Variants in ZNF81 observed in about 807,000 individuals in gnomAD.
The protein encoded by ZNF81 is zinc finger protein 81 (HFZ20).
A neutral mutation model predicts 32.3 loss-of-function variants in ZNF81; 5 were observed. The ratio of observed to expected loss-of-function variants is 0.15; its 90% CI spans 0.08 to 0.33. ZNF81 has a LOEUF of 0.33. ZNF81 is among the 10% of genes least tolerant of loss of function. The probability of loss-of-function intolerance (pLI) is 1.00; values close to 1 mark genes in which losing one functional copy is unlikely to be tolerated. For missense variants in ZNF81, 379 were observed against 479.8 expected (o/e 0.79, Z 1.96); for synonymous variants, 163 against 166.8 (o/e 0.98, Z 0.17).
At chrX:47,849,792 G>C (rs1007608163) in intron 2 of ZNF81, among the ~76,000 whole-genome samples, 1 of 111,877 alleles carries the variant, frequency 8.9e-6, no homozygotes, top group Middle Eastern at 4.2e-3. Context: ...AGAAAAAGCA[G>C]AATACCCACT....
At chrX:47,878,015 C>T (rs2058606583) in intron 2 of ZNF81, among the ~76,000 whole-genome samples, 1 of 111,338 alleles carries the variant, frequency 9.0e-6, no homozygotes, top group Non-Finnish European at 1.9e-5. Flanking sequence ...CCTCTGAGAC[C>T]TTTTCCTGTT....
At chrX:47,891,679 C>G (rs1315677795) in intron 3 of ZNF81, among the ~76,000 whole-genome samples, 1 of 111,792 alleles carries the variant, frequency 8.9e-6, no homozygotes, top group African/African-American at 3.3e-5. Context: ...TGAGATGGAC[C>G]TCAACTAAAA....
chrX:47,875,106 TA>T (rs2058594943), intron 2 of ZNF81, among the ~76,000 whole-genome samples: 1 of 110,128 alleles, frequency 9.1e-6, no homozygotes, highest in African/African-American at 3.3e-5. Flanking sequence ...TGGGTAGAGA[TA>T]AAGAGGTCGA....
intron 4 of ZNF81, among the ~76,000 whole-genome samples, chrX:47,901,034 G>A (rs2058696409): frequency 9.0e-6 from 1 of 110,963 alleles, no homozygotes; most frequent in Admixed American, 9.6e-5. Context: ...CCGAGAAAAG[G>A]GGAACTCACT....
intron 2 of ZNF81, among the ~76,000 whole-genome samples, chrX:47,880,957 A>G: frequency 9.0e-6 from 1 of 111,668 alleles, no homozygotes; most frequent in East Asian, 2.8e-4. Flanking sequence ...AGGGTATCAC[A>G]TGGCTAGGGG....
intron 4 of ZNF81, among the ~76,000 whole-genome samples, chrX:47,909,914 C>T (rs1206259546): frequency 3.0e-4 from 33 of 110,381 alleles, no homozygotes; most frequent in African/African-American, 1.1e-3. Context: ...CAATTTCATC[C>T]ATGTCCCTAC....
intron 2 of ZNF81, among the ~76,000 whole-genome samples, chrX:47,868,943 G>T (rs782642596): frequency 3.8e-5 from 3 of 79,878 alleles, no homozygotes; most frequent in Non-Finnish European, 7.1e-5. Context: ...GCGGGGGGGT[G>T]GGGGGGATCT....
Position 47,896,010 on chromosome X carries a change from C to T in ZNF81, c.277+70C>T, listed in dbSNP as rs922701687. 3.9e-5 allele frequency: 30 copies of T among 776,800 alleles called. No individual in the cohort carries two copies. The Admixed American group carries it at 8.1e-4, about 21-fold the overall frequency. The allele number at this position is 776,800 out of a possible 1,213,427, so 64.0% of individuals were successfully genotyped here. On this transcript the variant is annotated intron_variant, in intron 4 of 4. Coordinates refer to ENST00000338637, the MANE Select transcript of ZNF81 (RefSeq NM_007137.5). The stretch of plus-strand genomic sequence containing the variant: ...TTTTTTCCCTAAGGAAGACCGATGC[C>T]TTTAAAATGCTGTTATTGCTTAAAG...
intron 2 of ZNF81, among the ~76,000 whole-genome samples, chrX:47,866,833 CA>C (rs1556883339): frequency 9.0e-6 from 1 of 111,061 alleles, no homozygotes; most frequent in Non-Finnish European, 1.9e-5. Flanking sequence ...TTCACAACAG[CA>C]AAAACAAGGA....
rs1556890617 is a variant in ZNF81, at chrX:47,915,678, A to G, written c.1032A>G (p.Glu344=). ...GGAAGGCCTTCATCCAGAATTCAGA[A>G]TTAATTATGCATGAGAAAACTCATA... ...KCGKAFIQNS[E]LIMHEKTHTR... is the part of the protein sequence containing the mutation. Residue 344 remains glutamate, a synonymous_variant, in exon 5 of 5, where the codon GAA becomes GAG. Coordinates refer to ENST00000338637, the MANE Select transcript of ZNF81 (RefSeq NM_007137.5). 8.3e-7 allele frequency: 1 copy of G among 1,206,124 alleles called. No individual in the cohort carries two copies. The highest frequency in any genetic ancestry group is 3.0e-5 in the East Asian group (1 of 33,625).
rs782184521 is a variant in ZNF81 at position 47,897,401 on chromosome X, A to G, written c.277+1461A>G. ...TACTCAGATATCTTTCTCATTTTTT[A>G]ATCAGGTTGTTTGTCTTCTTATTAG... On this transcript the variant is annotated intron_variant, in intron 4 of 4. Coordinates refer to ENST00000338637, the MANE Select transcript of ZNF81 (RefSeq NM_007137.5). Among the ~76,000 whole-genome samples the G allele has an allele frequency of 2.7e-5, 3 of 111,791 alleles. No homozygotes were observed. In the East Asian group the frequency reaches 8.4e-4, roughly 31 times the overall value.
At chrX:47,877,154 C>A (rs6608753) in intron 2 of ZNF81, among the ~76,000 whole-genome samples, 43 of 112,255 alleles carry the variant, frequency 3.8e-4, no homozygotes, top group African/African-American at 1.4e-3. Context: ...AGTTTACCTT[C>A]CTCACTAATC....
In ZNF81 at chrX:47,915,315, T is replaced by C; in HGVS notation, c.669T>C (p.His223=). The C allele has an allele frequency of 1.3e-5, 16 of 1,211,716 alleles. No individual in the cohort carries two copies. The highest frequency in any genetic ancestry group is 1.8e-5 in the Non-Finnish European group (16 of 895,483). ...AAKNLDKTIG[H]GQVFTQNSSY... is the part of the protein sequence containing the mutation. Reference sequence around the variant, plus strand: ...AGAACCTGGATAAAACTATTGGGCATGGTCAAGTTTTTACCCAGAACTCTT... The same window carrying C: ...AGAACCTGGATAAAACTATTGGGCACGGTCAAGTTTTTACCCAGAACTCTT... The change falls in exon 5 of 5, where the codon CAT becomes CAC. Residue 223 remains histidine (H), a synonymous_variant. Transcript: ENST00000338637.
chrX:47,894,089 T>A (rs1232944710), intron 3 of ZNF81, among the ~76,000 whole-genome samples: 1 of 111,522 alleles, frequency 9.0e-6, no homozygotes, highest in Non-Finnish European at 1.9e-5. Context: ...GATACTTCGG[T>A]ATAGAACTGG....
At chrX:47,892,950 A>G (rs1177554525) in intron 3 of ZNF81, among the ~76,000 whole-genome samples, 1 of 112,901 alleles carries the variant, frequency 8.9e-6, no homozygotes, top group Non-Finnish European at 1.9e-5. Context: ...AAGCCACTGA[A>G]AGTGCTTCAG....
chrX:47,868,845 C>T (rs2058569533), intron 2 of ZNF81, among the ~76,000 whole-genome samples: 1 of 104,793 alleles, frequency 9.5e-6, no homozygotes, highest in African/African-American at 3.5e-5. Flanking sequence ...CTGACAGCAG[C>T]CTCAGACAGT....
At chrX:47,865,361 G>A (rs781879085) in intron 2 of ZNF81, among the ~76,000 whole-genome samples, 1 of 112,047 alleles carries the variant, frequency 8.9e-6, no homozygotes, top group Admixed American at 9.4e-5. Flanking sequence ...TTCGACAAGG[G>A]CCCAGTAGCA....
intron 3 of ZNF81, among the ~76,000 whole-genome samples, chrX:47,893,792 C>G (rs2058670504): frequency 1.6e-5 from 1 of 64,489 alleles, no homozygotes; most frequent in African/African-American, 5.4e-5. Context: ...GAGACTCTGT[C>G]TCAAAAAAAA....
intron 2 of ZNF81, among the ~76,000 whole-genome samples, chrX:47,882,864 G>A (rs1416403115): frequency 1.8e-5 from 2 of 112,100 alleles, no homozygotes; most frequent in Non-Finnish European, 3.8e-5. Context: ...GGTGGCACAC[G>A]CCTGTAATCC....
Sources: allele counts gnomAD v4.1 joint callset (sites outside exome capture counted in the v4.1 genomes callset), GRCh38; gene constraint gnomAD v4.1.1; transcripts MANE v1.5; gene names NCBI Gene and HGNC (gene_info 2026-07-23, HGNC 2026-07-21).